Variants in CD1A observed in about 807,000 individuals in gnomAD.
The protein encoded by CD1A is CD1a molecule.
A neutral mutation model predicts 38.3 loss-of-function variants in CD1A; 50 were observed. That is an observed-to-expected ratio of 1.30 (90% confidence interval 1.04 to 1.65). The LOEUF is 1.65. Among genes scored for constraint, CD1A ranks in the 40% most tolerant of loss-of-function variants. The pLI, the probability that CD1A is intolerant of heterozygous loss-of-function variation, is 0.00. For synonymous variants in CD1A, 160 were observed against 150.8 expected (o/e 1.06, Z -0.45); for missense variants, 459 against 406.1 (o/e 1.13, Z -1.12).
At chr1:158,257,607 G>A in intron 5 of CD1A, 74 bp from the exon 6 acceptor site, 1 of 1,571,744 alleles carries the variant, frequency 6.4e-7, no homozygotes, top group South Asian at 1.1e-5. Flanking sequence ...TCTCTCCCCA[G>A]TCCCCTTCCC....
chr1:158,255,460 T>C (rs1237317461), intron 2 of CD1A, 110 bp downstream of exon 2: 2 of 1,188,988 alleles, frequency 1.7e-6, no homozygotes, highest in Non-Finnish European at 1.2e-6. Flanking sequence ...CTTATTCTAT[T>C]CTTTCCACCA....
upstream of CD1A, among the ~76,000 whole-genome samples, chr1:158,252,673 G>A (rs201529757): frequency 4.0e-5 from 6 of 151,890 alleles, no homozygotes; most frequent in African/African-American, 1.5e-4. Flanking sequence ...TTGGGAGGCT[G>A]AGGCAGGTGG....
the CD1A span, among the ~76,000 whole-genome samples, chr1:158,248,696 C>T: frequency 3.3e-5 from 5 of 152,132 alleles, no homozygotes; most frequent in East Asian, 3.9e-4. Context: ...GGTCACCTTC[C>T]TTACCTATTT....
At chr1:158,254,847 A>G (rs1650192165) in intron 1 of CD1A, 120 bp downstream of exon 1, 1 of 930,034 alleles carries the variant, frequency 1.1e-6, no homozygotes, top group Admixed American at 1.8e-5. Flanking sequence ...TCCCTAGCAT[A>G]TACCTGGAAA....
At chr1:158,256,706 G>A (rs1425921478) in intron 3 of CD1A, 80 bp from the exon 4 acceptor site, 2 of 1,446,642 alleles carry the variant, frequency 1.4e-6, no homozygotes, top group African/African-American at 1.4e-5. Context: ...TGGGAACAAT[G>A]TGTCTATCTA....
rs1650244029 is a variant in CD1A at position 158,256,001 on chromosome 1, C to T, written c.326-3C>T. Reference sequence around the variant, plus strand: ...CCCTCTTTCCTCTATTTCATAACCCCAGATCCTTTTGAGATACAGGTGACA... The same window carrying T: ...CCCTCTTTCCTCTATTTCATAACCCTAGATCCTTTTGAGATACAGGTGACA... On this transcript the variant is annotated splice_region_variant and splice_polypyrimidine_tract_variant and intron_variant, in intron 2 of 5. Coordinates refer to ENST00000289429, the MANE Select transcript of CD1A (RefSeq NM_001763.3). The T allele has an allele frequency of 8.1e-6, 13 of 1,611,864 alleles. No homozygotes were observed. The highest frequency in any genetic ancestry group is 4.5e-5 in the East Asian group (2 of 44,852).
rs1650298674 is a variant in CD1A at position 158,257,439 on chromosome 1, G to T, written c.902G>T (p.Gly301Val). 3.1e-6 allele frequency: 5 copies of T among 1,613,910 alleles called. No individual in the cohort carries two copies. The East Asian group carries it at 1.1e-4, about 36-fold the overall frequency. Residue 301 changes from glycine (G) to valine (V), a missense_variant, in exon 5 of 6, where the codon GGC becomes GTC. Physicochemically the swap from Gly to Val is moderately radical, Grantham distance 109. Coordinates refer to ENST00000289429, the MANE Select transcript of CD1A (RefSeq NM_001763.3). ...TTCACAGAGCATCACAGTTCCGTGG[G>T]CTTCATCATCTTGGCGGTGATAGTG... is the stretch of plus-strand genomic sequence containing the variant. ...VLYWEHHSSV[G>V]FIILAVIVPL...
At chr1:158,253,245 G>A (rs1054250361), upstream of CD1A, among the ~76,000 whole-genome samples, 8 of 152,082 alleles carry the variant, frequency 5.3e-5, no homozygotes, top group African/African-American at 2.4e-5. Flanking sequence ...TACAAGCAGC[G>A]TAAAAGAGGA....
In CD1A at chr1:158,256,839, C is replaced by T. The variant is rs201457242; in HGVS notation, c.658C>T (p.Gln220Ter). 6.6e-5 allele frequency: 106 copies of T among 1,614,114 alleles called. No individual in the cohort carries two copies. In the Admixed American group the frequency reaches 1.1e-3, roughly 17 times the overall value. Residue 220 changes from glutamine (Q) to a stop codon, truncating the protein, a stop_gained, in exon 4 of 6, where the codon CAG becomes TAG. Transcript: ENST00000289429. LOFTEE classifies it high-confidence loss of function. ...HGPSPGPGHLQLVCHVSGFYP... is the reference protein window; with the variant it reads ...HGPSPGPGHL Reference sequence around the variant, plus strand: ...CCCCAGTCCTGGCCCTGGCCATCTGCAGCTTGTGTGCCATGTCTCAGGATT... The same window carrying T: ...CCCCAGTCCTGGCCCTGGCCATCTGTAGCTTGTGTGCCATGTCTCAGGATT...
chr1:158,255,834 T>C (rs1199825671), intron 2 of CD1A, among the ~76,000 whole-genome samples, 170 bp from the exon 3 acceptor site: 1 of 152,144 alleles, frequency 6.6e-6, no homozygotes, highest in African/African-American at 2.4e-5. Flanking sequence ...AATCTTTTCC[T>C]CCACCTACAG....
At chr1:158,253,467 A>G (rs1174724547), upstream of CD1A, among the ~76,000 whole-genome samples, 1 of 152,206 alleles carries the variant, frequency 6.6e-6, no homozygotes, top group African/African-American at 2.4e-5. Flanking sequence ...CTTTTATCCT[A>G]AATAAAACTG....
At chr1:158,251,516 T>G (rs908029651), upstream of CD1A, among the ~76,000 whole-genome samples, 1 of 152,222 alleles carries the variant, frequency 6.6e-6, no homozygotes, top group African/African-American at 2.4e-5. Context: ...GTGTTTCCTT[T>G]GTGAAATATC....
intron 4 of CD1A, 60 bp from the exon 5 acceptor site, chr1:158,257,361 G>T (rs1452205759): frequency 2.4e-6 from 3 of 1,242,332 alleles, no homozygotes; most frequent in African/African-American, 1.5e-5. Context: ...GTGAAATAGG[G>T]AGTGGATGAG....
intron 5 of CD1A, 33 bp from the exon 6 acceptor site, chr1:158,257,648 T>C: frequency 6.2e-7 from 1 of 1,612,804 alleles, no homozygotes; most frequent in Non-Finnish European, 8.5e-7. Context: ...CTCCACCTTA[T>C]TCAGAGTGAC....
At chr1:158,255,407 T>G in intron 2 of CD1A, 57 bp downstream of exon 2, 1 of 1,548,550 alleles carries the variant, frequency 6.5e-7, no homozygotes. Context: ...GTTGTCTCAA[T>G]GTTTCTTATT....
rs1045378859 is a variant in CD1A at position 158,254,430 on chromosome 1, G to A, written c.-240G>A. The A allele has an allele frequency of 7.4e-7, 1 of 1,353,852 alleles. No individual in the cohort carries two copies. Among genetic ancestry groups the A allele is most frequent in the African/African-American group, 1.5e-5 (1 of 67,556 alleles). The allele number at this position is 1,353,852 out of a possible 1,614,324, so 83.9% of individuals were successfully genotyped here. On this transcript the variant is annotated 5_prime_UTR_variant, in exon 1 of 6. Transcript: ENST00000289429. ...GAATTAGGGGAAGGTGAATAAGTTG[G>A]AGGTTGGTGACAAGGAGAGAAGCTG...
In CD1A at chr1:158,254,727, G is replaced by C; in HGVS notation, c.58G>C (p.Gly20Arg). 6.2e-7 allele frequency: 1 copy of C among 1,608,424 alleles called. No individual in the cohort carries two copies. The highest frequency in any genetic ancestry group is 1.1e-5 in the South Asian group (1 of 90,958). The change falls in exon 1 of 6, where the codon GGG becomes CGG. Residue 20 changes from glycine to arginine, a missense_variant and splice_region_variant. Physicochemically the swap from Gly to Arg is moderately radical, Grantham distance 125. Coordinates refer to ENST00000289429, the MANE Select transcript of CD1A (RefSeq NM_001763.3). ...AVLPGDGNAD[G>R]LKEPLSFHVT... ...TCTCCCAGGTGATGGCAATGCAGACGGTAAGAACTCTGACAACTGCCCAGT... is the reference window on the plus strand; with the variant it reads ...TCTCCCAGGTGATGGCAATGCAGACCGTAAGAACTCTGACAACTGCCCAGT...
upstream of CD1A, chr1:158,254,251 G>A (rs1650166653): frequency 3.7e-6 from 4 of 1,079,608 alleles, no homozygotes; most frequent in African/African-American, 1.7e-5. Context: ...ATATTGAAAA[G>A]GACAGAGTGA....
the CD1A span, among the ~76,000 whole-genome samples, chr1:158,249,384 T>C: frequency 2.0e-5 from 3 of 152,144 alleles, no homozygotes; most frequent in Admixed American, 6.5e-5. Context: ...TTCTGGTACA[T>C]AGAGTACACT....
Sources: allele counts gnomAD v4.1 joint callset (sites outside exome capture counted in the v4.1 genomes callset), GRCh38; gene constraint gnomAD v4.1.1; transcripts MANE v1.5; gene names NCBI Gene and HGNC (gene_info 2026-07-23, HGNC 2026-07-21).